NAT9: variants seen among roughly 807,000 people sequenced by gnomAD.
The protein encoded by NAT9 is alpha/beta-tubulin-N-acetyltransferase 9.
NAT9 carries 18 observed loss-of-function variants against 24.0 expected under a neutral mutation model. The observed-to-expected ratio is 0.75, with a 90% CI of 0.52 to 1.11. The LOEUF is 1.11. NAT9 is among the 50% of genes most tolerant of loss of function. The pLI is 0.00. For synonymous variants in NAT9, 104 were observed against 102.3 expected, an observed-to-expected ratio of 1.02 and a Z score of -0.10; for missense variants, 254 against 258.6, an observed-to-expected ratio of 0.98 and a Z score of 0.12.
chr17:74,775,848 A>G, intron 1 of NAT9, 141 bp from the exon 2 acceptor site: 1 of 570,878 alleles, frequency 1.8e-6, no homozygotes, highest in East Asian at 2.9e-5. Context: ...ACAGACTCCA[A>G]AATTCTTGCA....
chr17:74,775,771 G>C (rs1447279504), intron 1 of NAT9, 64 bp from the exon 2 acceptor site: 5 of 1,397,204 alleles, frequency 3.6e-6, no homozygotes, highest in African/African-American at 1.4e-5. Flanking sequence ...TTGGGTAGGC[G>C]CTCCAGCTTT....
Position 74,771,959 on chromosome 17 carries a change from C to A in NAT9, c.489+1G>T. 6.2e-7 allele frequency: 1 copy of A among 1,614,260 alleles called. No individual in the cohort carries two copies. Among genetic ancestry groups the A allele is most frequent in the Non-Finnish European group, 8.5e-7 (1 of 1,180,030 alleles). ...CCCACTCTGCCCCAGGACATCCTTA[C>A]CTGCTCAAAGTGAAGTTTCTGGAAC... On this transcript the variant is annotated splice_donor_variant, in intron 6 of 6. Coordinates refer to ENST00000357814, the MANE Select transcript of NAT9 (RefSeq NM_015654.5). LOFTEE classifies it high-confidence loss of function.
chr17:74,775,590 G>A, intron 2 of NAT9, 32 bp downstream of exon 2: 4 of 1,573,322 alleles, frequency 2.5e-6, no homozygotes, highest in South Asian at 1.1e-5. Flanking sequence ...TCTGGGTGCT[G>A]ATACGCACCC....
In NAT9 at chr17:74,772,057, C is replaced by T. The variant is rs377380431; in HGVS notation, c.395-3G>A. Reference sequence around the variant, plus strand: ...GGTCAGACCTAGCGTGGTCACTCCTCGCAGAGGAGATGAGACAGGGGCAAG... The same window carrying T: ...GGTCAGACCTAGCGTGGTCACTCCTTGCAGAGGAGATGAGACAGGGGCAAG... On this transcript the variant is annotated splice_region_variant and splice_polypyrimidine_tract_variant and intron_variant, in intron 5 of 6. Coordinates refer to ENST00000357814, the MANE Select transcript of NAT9 (RefSeq NM_015654.5). 2.0e-5 allele frequency: 32 copies of T among 1,614,038 alleles called. No homozygotes were observed. The highest frequency in any genetic ancestry group is 6.7e-5 in the East Asian group (3 of 44,892).
chr17:74,775,713 T>G lies in NAT9; in HGVS notation c.-9-6A>C. ...TTCAACCTCATGGTAGCAGCCTGCA[T>G]GCAGATGGGGAGAGCAAAGACTTCA... On this transcript the variant is annotated splice_polypyrimidine_tract_variant and splice_region_variant and intron_variant, in intron 1 of 6. Transcript: ENST00000357814. The G allele has an allele frequency of 6.2e-7, 1 of 1,613,638 alleles. No individual in the cohort carries two copies. Among genetic ancestry groups the G allele is most frequent in the Non-Finnish European group, 8.5e-7 (1 of 1,179,610 alleles).
In NAT9 at chr17:74,772,939, A is replaced by G; in HGVS notation, c.291T>C (p.Asp97=). 2 of 1,613,962 alleles carry G rather than the reference A, an allele frequency of 1.2e-6. No individual in the cohort carries two copies. Among genetic ancestry groups the G allele is most frequent in the Non-Finnish European group, 1.7e-6 (2 of 1,179,984 alleles). The change falls in exon 4 of 7, where the codon GAT becomes GAC. Residue 97 remains aspartate (D), a synonymous_variant. Coordinates refer to ENST00000357814, the MANE Select transcript of NAT9 (RefSeq NM_015654.5). ...TCTCCCCCAAGGTGAGGTCTTCTAG[A>G]TCTGTGAGGAAGAGGTTCACATCTC... is the stretch of plus-strand genomic sequence containing the variant. The part of the protein sequence containing the change: ...MVGDVNLFLT[D]LEDLTLGEIE...
chr17:74,772,112 C>A, intron 5 of NAT9, 58 bp from the exon 6 acceptor site: 1 of 1,613,828 alleles, frequency 6.2e-7, no homozygotes, highest in Admixed American at 1.7e-5. Context: ...ACCCTCCTGT[C>A]CCAAGCTGCA....
Position 74,771,296 on chromosome 17 carries a change from T to C in NAT9, c.*428A>G, listed in dbSNP as rs880827. 0.5 allele frequency: 104,906 copies of C among 211,674 alleles called. 26,637 individuals carry two copies. Among genetic ancestry groups the C allele is most frequent in the Admixed American group, 0.53 (10,303 of 19,548 alleles). The allele number at this position is 211,674 out of a possible 1,614,324, so 13.1% of individuals were successfully genotyped here. Reference sequence around the variant, plus strand: ...CTGGGGCTCGTGGTAGCTCTTCACATGGACCAAACGGGAAAATCAGGAAAG... The same window carrying C: ...CTGGGGCTCGTGGTAGCTCTTCACACGGACCAAACGGGAAAATCAGGAAAG... On this transcript the variant is annotated 3_prime_UTR_variant, in exon 7 of 7. Transcript: ENST00000357814.
At position 74,772,232 on chromosome 17, in the gene NAT9, G is replaced by A. The variant is rs769573377; in HGVS notation, c.380C>T (p.Ala127Val). 18 of 1,614,096 alleles carry A rather than the reference G, an allele frequency of 1.1e-5. No homozygotes were observed. The highest frequency in any genetic ancestry group is 6.6e-5 in the South Asian group (6 of 91,094). The change falls in exon 5 of 7, where the codon GCG (alanine) becomes GTG (valine). Residue 127 changes from alanine to valine, a missense_variant. By Grantham distance (64) the Ala-to-Val change is moderately conservative. Coordinates refer to ENST00000357814, the MANE Select transcript of NAT9 (RefSeq NM_015654.5). ...GKGLGTEAVLAMLSYGVTTLG... is the reference protein window; with the variant it reads ...GKGLGTEAVLVMLSYGVTTLG... Reference sequence around the variant, plus strand: ...CACTTTCTTACCGTAAGACAGCATCGCGAGAACGGCCTCAGTGCCAAGGCC... The same window carrying A: ...CACTTTCTTACCGTAAGACAGCATCACGAGAACGGCCTCAGTGCCAAGGCC...
chr17:74,773,405 C>T, intron 3 of NAT9, 171 bp downstream of exon 3: 2 of 619,954 alleles, frequency 3.2e-6, no homozygotes, highest in Non-Finnish European at 5.7e-6. Context: ...ACAGAAGGGT[C>T]AGCCACAGGG....
At chr17:74,772,561 A>G (rs998169445) in intron 4 of NAT9, 17 of 1,406,100 alleles carry the variant, frequency 1.2e-5, no homozygotes, top group Admixed American at 6.2e-5. Flanking sequence ...AGGAGCAGAA[A>G]CAGGAGGGCC....
In NAT9 at chr17:74,770,645, G is replaced by A. The variant is rs1299194378; in HGVS notation, c.*1079C>T. ...ACTCCAAGATCAAGGGTGCTGGGAG[G>A]CCTTAGGCAAGTCACCTTACTTATC... is the stretch of plus-strand genomic sequence containing the variant. On this transcript the variant is annotated 3_prime_UTR_variant, in exon 7 of 7. Transcript: ENST00000357814. 1 of 152,234 alleles carries A rather than the reference G, an allele frequency of 6.6e-6. No individual in the cohort carries two copies. Among genetic ancestry groups the A allele is most frequent in the Non-Finnish European group, 1.5e-5 (1 of 68,044 alleles). The allele number at this position is 152,234 out of a possible 1,614,324, so 9.4% of individuals were successfully genotyped here.
At position 74,774,540 on chromosome 17, in the gene NAT9, C is replaced by G. The variant is rs561054290; in HGVS notation, c.78-852G>C. On this transcript the variant is annotated intron_variant, in intron 2 of 6. Coordinates refer to ENST00000357814, the MANE Select transcript of NAT9 (RefSeq NM_015654.5). ...AGAGACGGGGTTTCTCCACGTTGATCAGGCTGGTCTCTTTTTTTTTTTTTT... is the reference window on the plus strand; with the variant it reads ...AGAGACGGGGTTTCTCCACGTTGATGAGGCTGGTCTCTTTTTTTTTTTTTT... Among the ~76,000 whole-genome samples, 6 of 145,570 alleles carry G rather than the reference C, an allele frequency of 4.1e-5. No homozygotes were observed. In the South Asian group the frequency reaches 1.1e-3, roughly 26 times the overall value.
chr17:74,773,418 T>C, intron 3 of NAT9, 158 bp downstream of exon 3: 1 of 642,368 alleles, frequency 1.6e-6, no homozygotes, highest in South Asian at 1.8e-5. Context: ...CCACAGGGAC[T>C]GGCTTCAGGG....
At chr17:74,776,244 G>C (rs2036056719) in intron 1 of NAT9, 23 bp downstream of exon 1, 1 of 152,680 alleles carries the variant, frequency 6.5e-6, no homozygotes, top group Non-Finnish European at 1.5e-5. Context: ...CGCGGACCCG[G>C]GTACTGCCAA....
In NAT9 at chr17:74,773,232, C is replaced by G. The variant is rs1449140391; in HGVS notation, c.191-193G>C. On this transcript the variant is annotated intron_variant, in intron 3 of 6. Coordinates refer to ENST00000357814, the MANE Select transcript of NAT9 (RefSeq NM_015654.5). ...CTCATACAGAAAAAGCCTCTCCAAC[C>G]AGCAACCAAATTCTCAGAGAGCAGG... The G allele has an allele frequency of 4.4e-6, 3 of 685,422 alleles. No homozygotes were observed. In the African/African-American group the frequency reaches 5.4e-5, roughly 12 times the overall value. The allele number at this position is 685,422 out of a possible 1,614,324, so 42.5% of individuals were successfully genotyped here. A position where few individuals can be genotyped will look rare whatever the true frequency, so the allele number is the denominator to read the frequency against.
chr17:74,774,551 CTTTT>C (rs34005401), intron 2 of NAT9, among the ~76,000 whole-genome samples: 5 of 130,180 alleles, frequency 3.8e-5, no homozygotes, highest in African/African-American at 1.1e-4. Flanking sequence ...AGGCTGGTCT[CTTTT>C]TTTTTTTTTT....
At position 74,775,822 on chromosome 17, in the gene NAT9, A is replaced by G. The variant is rs1275433401; in HGVS notation, c.-9-115T>C. On this transcript the variant is annotated intron_variant, in intron 1 of 6. Transcript: ENST00000357814. ...TTGACTTCCGTCATTAGTTCCGTCTAGACACTTCAAAGAATACAGACTCCA... is the reference window on the plus strand; with the variant it reads ...TTGACTTCCGTCATTAGTTCCGTCTGGACACTTCAAAGAATACAGACTCCA... 14 of 708,376 alleles carry G rather than the reference A, an allele frequency of 2.0e-5. No individual in the cohort carries two copies. The Admixed American group carries it at 3.1e-4, about 16-fold the overall frequency. 43.9% of individuals were successfully genotyped at this position (708,376 alleles called of 1,614,324 possible). A position where few individuals can be genotyped will look rare whatever the true frequency, so the allele number is the denominator to read the frequency against.
Position 74,771,411 on chromosome 17 carries a change from T to C in NAT9, c.*313A>G. 1 of 436,206 alleles carries C rather than the reference T, an allele frequency of 2.3e-6. No homozygotes were observed. 27.0% of individuals were successfully genotyped at this position (436,206 alleles called of 1,614,324 possible). A position where few individuals can be genotyped will look rare whatever the true frequency, so the allele number is the denominator to read the frequency against. On this transcript the variant is annotated 3_prime_UTR_variant, in exon 7 of 7. Transcript: ENST00000357814. ...TGTCCACTCCCATCCATGTTCCAGG[T>C]CCCCCTGCACCTCCAGCTCCCACCT...
Sources: allele counts gnomAD v4.1 joint callset (sites outside exome capture counted in the v4.1 genomes callset), GRCh38; gene constraint gnomAD v4.1.1; transcripts MANE v1.5; gene names NCBI Gene and HGNC (gene_info 2026-07-23, HGNC 2026-07-21).